ATP10D: variants seen among roughly 807,000 people sequenced by gnomAD.
The protein encoded by ATP10D is ATPase phospholipid transporting 10D (putative).
In ATP10D, 89 loss-of-function variants were observed where a neutral mutation model predicts 144.8. The ratio of observed to expected loss-of-function variants is 0.61; its 90% CI spans 0.52 to 0.73. The LOEUF (loss-of-function observed/expected upper bound fraction) is 0.73. Among genes scored for constraint, ATP10D ranks in the 30% least tolerant of loss-of-function variants. The probability of loss-of-function intolerance (pLI) is 0.00; values close to 1 mark genes in which losing one functional copy is unlikely to be tolerated. For synonymous variants in ATP10D, 571 were observed against 615.1 expected, an observed-to-expected ratio of 0.93 and a Z score of 1.06; for missense variants, 1,603 against 1,714.8, an observed-to-expected ratio of 0.93 and a Z score of 1.15.
chr4:47,560,788 A>G (rs1719255384), intron 13 of ATP10D, among the ~76,000 whole-genome samples, 161 bp from the exon 14 acceptor site: 1 of 151,578 alleles, frequency 6.6e-6, no homozygotes, highest in African/African-American at 2.4e-5. Flanking sequence ...TTGGGAAGCT[A>G]GTGTCCAGGT....
chr4:47,503,015 A>G (rs1715794830), intron 1 of ATP10D, among the ~76,000 whole-genome samples: 1 of 152,128 alleles, frequency 6.6e-6, no homozygotes, highest in Non-Finnish European at 1.5e-5. Flanking sequence ...CAGCCTGGCC[A>G]TCATGATGAA....
Position 47,569,118 on chromosome 4 carries a change from C to T in ATP10D, c.3135C>T (p.Ser1045=). ...QKSEVVKLVR[S]HLQVMTLAIG... Reference sequence around the variant, plus strand: ...GTGAAGTGGTGAAATTGGTCCGCAGCCATCTCCAGGTGATGACCCTTGCTA... The same window carrying T: ...GTGAAGTGGTGAAATTGGTCCGCAGTCATCTCCAGGTGATGACCCTTGCTA... The change falls in exon 16 of 23, where the codon AGC becomes AGT. Residue 1045 remains serine, a synonymous_variant. Coordinates refer to ENST00000273859, the MANE Select transcript of ATP10D (RefSeq NM_020453.4). The T allele has an allele frequency of 6.2e-7, 1 of 1,613,752 alleles. No individual in the cohort carries two copies. Among genetic ancestry groups the T allele is most frequent in the Non-Finnish European group, 8.5e-7 (1 of 1,179,960 alleles).
chr4:47,512,258 A>G (rs1300211703), intron 1 of ATP10D, among the ~76,000 whole-genome samples: 2 of 152,064 alleles, frequency 1.3e-5, no homozygotes, highest in African/African-American at 4.8e-5. Flanking sequence ...TGTTTGCTTC[A>G]AGTTATGGAA....
intron 13 of ATP10D, among the ~76,000 whole-genome samples, chr4:47,560,506 AAAC>A (rs1435074391): frequency 6.6e-6 from 1 of 152,076 alleles, no homozygotes; most frequent in African/African-American, 2.4e-5. Flanking sequence ...AAACAAAACA[AAAC>A]AAACAAACAA....
At chr4:47,545,462 TGAGACTATTGCACTG>T (rs1196472257) in intron 9 of ATP10D, among the ~76,000 whole-genome samples, 2 of 152,216 alleles carry the variant, frequency 1.3e-5, no homozygotes, top group African/African-American at 4.8e-5. Flanking sequence ...AGACCAGTTA[TGAGACTATTGCACTG>T]GTCCAGTTGA....
At chr4:47,590,545 A>G (rs1395505367) in intron 22 of ATP10D, among the ~76,000 whole-genome samples, 3 of 152,112 alleles carry the variant, frequency 2.0e-5, no homozygotes, top group African/African-American at 7.2e-5. Context: ...AGTGGCATAA[A>G]TCCAAGTGAC....
intron 9 of ATP10D, among the ~76,000 whole-genome samples, chr4:47,542,287 G>C (rs137976799): frequency 6.6e-6 from 1 of 151,940 alleles, no homozygotes; most frequent in South Asian, 2.1e-4. Context: ...TGTAGAGGCA[G>C]GATTTCGCCA....
chr4:47,500,283 G>C (rs575293432), intron 1 of ATP10D, among the ~76,000 whole-genome samples: 2 of 152,196 alleles, frequency 1.3e-5, no homozygotes, highest in African/African-American at 4.8e-5. Flanking sequence ...GTGACATAAA[G>C]GTTTTATGAA....
chr4:47,516,664 G>A (rs559203016), intron 3 of ATP10D, among the ~76,000 whole-genome samples: 40 of 152,230 alleles, frequency 2.6e-4, no homozygotes, highest in African/African-American at 9.4e-4. Context: ...CACAATGTTT[G>A]TTTTTATGAT....
Position 47,572,249 on chromosome 4 carries a change from C to A in ATP10D, c.3240+19C>A. On this transcript the variant is annotated intron_variant, in intron 17 of 22. Coordinates refer to ENST00000273859, the MANE Select transcript of ATP10D (RefSeq NM_020453.4). ...CATGCAGGTGAGTGGATATTGTGCA[C>A]CCAAGTTCTGTGGCCTTGACCTGCC... 1.2e-6 allele frequency: 2 copies of A among 1,611,240 alleles called. No individual in the cohort carries two copies. Among genetic ancestry groups the A allele is most frequent in the Non-Finnish European group, 1.7e-6 (2 of 1,177,600 alleles).
chr4:47,535,858 G>C (rs753359158), intron 6 of ATP10D, 44 bp from the exon 7 acceptor site: 2 of 1,581,438 alleles, frequency 1.3e-6, no homozygotes, highest in Admixed American at 3.8e-5. Context: ...TCGCTTCTTG[G>C]CTTTAATTTG....
Position 47,512,687 on chromosome 4 carries a change from G to T in ATP10D, c.147G>T (p.Arg49Ser). The T allele has an allele frequency of 1.9e-6, 3 of 1,614,198 alleles. No individual in the cohort carries two copies. Among genetic ancestry groups the T allele is most frequent in the East Asian group, 2.2e-5 (1 of 44,880 alleles). The change falls in exon 2 of 23, where the codon AGG (arginine) becomes AGT (serine). Residue 49 changes from arginine (R) to serine (S), a missense_variant. Arg to Ser is a moderately radical substitution (Grantham distance 110). Transcript: ENST00000273859. ...KSSQTPKLSG[R>S]HRIVVPHIQP... ...CTCAGACCCCTAAACTGTCAGGAAG[G>T]CACCGGATTGTTGTTCCCCACATCC...
chr4:47,590,959 T>G, intron 22 of ATP10D, 83 bp from the exon 23 acceptor site: 2 of 1,096,984 alleles, frequency 1.8e-6, no homozygotes, highest in Non-Finnish European at 2.6e-6. Flanking sequence ...CTTTTACTTT[T>G]TTAATTCGTT....
intron 18 of ATP10D, among the ~76,000 whole-genome samples, chr4:47,576,075 G>A (rs1186998492): frequency 6.6e-6 from 1 of 150,898 alleles, no homozygotes; most frequent in Admixed American, 6.6e-5. Context: ...GGGACTACAG[G>A]CGCCCGCCAC....
intron 13 of ATP10D, among the ~76,000 whole-genome samples, chr4:47,560,621 G>T (rs143580066): frequency 9.8e-5 from 15 of 152,312 alleles, no homozygotes; most frequent in Admixed American, 2.6e-4. Flanking sequence ...AATCAAACTG[G>T]ATTTAACTGT....
intron 1 of ATP10D, chr4:47,491,549 C>A: frequency 2.3e-6 from 1 of 432,602 alleles, no homozygotes; most frequent in Non-Finnish European, 4.2e-6. Flanking sequence ...ACAGTCTTCT[C>A]AGATATCTTT....
At chr4:47,505,427 C>G (rs951314649) in intron 1 of ATP10D, among the ~76,000 whole-genome samples, 1 of 152,076 alleles carries the variant, frequency 6.6e-6, no homozygotes, top group African/African-American at 2.4e-5. Flanking sequence ...AGAAACCTAG[C>G]AGGGTGAGGT....
At chr4:47,506,949 T>C (rs1390868327) in intron 1 of ATP10D, among the ~76,000 whole-genome samples, 1 of 152,212 alleles carries the variant, frequency 6.6e-6, no homozygotes, top group Non-Finnish European at 1.5e-5. Flanking sequence ...TTTTGTCTAC[T>C]AGATTGCTGG....
rs1351774370 is a variant in ATP10D at position 47,515,456 on chromosome 4, T to A, written c.291-20T>A. 2.5e-6 allele frequency: 4 copies of A among 1,598,050 alleles called. No individual in the cohort carries two copies. The highest frequency in any genetic ancestry group is 3.4e-6 in the Non-Finnish European group (4 of 1,171,206). ...TTGAAGTAACTTCTTAACACCTCCC[T>A]TTGTGTGTTTGGGTTGCAGAGCTGC... On this transcript the variant is annotated intron_variant, in intron 2 of 22. Transcript: ENST00000273859.
Sources: gnomAD v4.1 joint callset for allele counts (sites outside exome capture counted in the v4.1 genomes callset) on GRCh38, gnomAD v4.1.1 for gene constraint, MANE v1.5 for transcripts, NCBI Gene and HGNC (gene_info 2026-07-23, HGNC 2026-07-21) for gene names.